The following GALNT13 variants were observed in gnomAD, a reference collection of about 807,000 sequenced individuals.
GALNT13 encodes polypeptide N-acetylgalactosaminyltransferase 13, also known as UDP-GalNAc:polypeptide N-acetylgalactosaminyltransferase 13.
Under a neutral mutation model 64.2 loss-of-function variants are expected in GALNT13, and 28 were observed. The ratio of observed to expected loss-of-function variants is 0.44; its 90% CI spans 0.32 to 0.60. The LOEUF (loss-of-function observed/expected upper bound fraction) is 0.60. Among genes scored for constraint, GALNT13 ranks in the 20% least tolerant of loss-of-function variants. GALNT13 has a pLI of 0.05. For synonymous variants in GALNT13, 214 were observed against 224.6 expected (o/e 0.95, Z 0.42); for missense variants, 577 against 669.8 (o/e 0.86, Z 1.53).
At chr2:153,623,696 A>C in the GALNT13 span, among the ~76,000 whole-genome samples, 5 of 151,962 alleles carry the variant, frequency 3.3e-5, no homozygotes, top group South Asian at 1.0e-3. Context: ...AGTTTATTTA[A>C]AATTTTTAGC....
the GALNT13 span, among the ~76,000 whole-genome samples, chr2:153,349,613 A>T: frequency 6.6e-6 from 1 of 152,188 alleles, no homozygotes; most frequent in African/African-American, 2.4e-5. Context: ...CATTTCTGAG[A>T]AAGCACTCAG....
At chr2:153,652,610 G>T in the GALNT13 span, among the ~76,000 whole-genome samples, 2 of 151,918 alleles carry the variant, frequency 1.3e-5, no homozygotes, top group Non-Finnish European at 1.5e-5. Context: ...GTGAGACTCT[G>T]TCTCAAAAAA....
At chr2:153,090,182 G>A in the GALNT13 span, among the ~76,000 whole-genome samples, 18 of 152,114 alleles carry the variant, frequency 1.2e-4, no homozygotes, top group Non-Finnish European at 2.6e-4. Context: ...CCTTAGGATG[G>A]GGCTTCTTGA....
At chr2:153,905,083 GTTC>G (rs1486395917) in intron 2 of GALNT13, among the ~76,000 whole-genome samples, 1 of 151,786 alleles carries the variant, frequency 6.6e-6, no homozygotes, top group Admixed American at 6.6e-5. Flanking sequence ...ATTAAAACAA[GTTC>G]TTCTACCACA....
the GALNT13 span, among the ~76,000 whole-genome samples, chr2:153,580,564 A>T: frequency 5.9e-5 from 9 of 152,314 alleles, no homozygotes; most frequent in South Asian, 1.0e-3. Context: ...ACACATGAGG[A>T]TGGAGAGAGG....
At chr2:154,284,287 T>C (rs1692132773) in intron 8 of GALNT13, among the ~76,000 whole-genome samples, 1 of 152,160 alleles carries the variant, frequency 6.6e-6, no homozygotes, top group African/African-American at 2.4e-5. Flanking sequence ...CTCTCCCCGA[T>C]TCCCTGTAAT....
At chr2:153,957,276 G>C (rs1172631910) in intron 3 of GALNT13, among the ~76,000 whole-genome samples, 1 of 152,154 alleles carries the variant, frequency 6.6e-6, no homozygotes, top group Non-Finnish European at 1.5e-5. Flanking sequence ...GAAGAGGCAG[G>C]GAAAGGGATC....
At chr2:154,374,302 A>C (rs2105317534) in intron 9 of GALNT13, among the ~76,000 whole-genome samples, 1 of 152,324 alleles carries the variant, frequency 6.6e-6, no homozygotes, top group African/African-American at 2.4e-5. Context: ...AATCTGGAGA[A>C]GTTGTGGTAG....
chr2:154,282,487 G>C (rs774790880), intron 8 of GALNT13, among the ~76,000 whole-genome samples: 1 of 152,014 alleles, frequency 6.6e-6, no homozygotes, highest in Non-Finnish European at 1.5e-5. Flanking sequence ...TGTACCCTAG[G>C]TAAAAAGACT....
chr2:153,204,584 T>A, the GALNT13 span, among the ~76,000 whole-genome samples: 1 of 152,194 alleles, frequency 6.6e-6, no homozygotes, highest in Non-Finnish European at 1.5e-5. Context: ...AAATTCTTAG[T>A]CCAACTCACC....
At chr2:153,971,276 C>T (rs946390160) in intron 3 of GALNT13, among the ~76,000 whole-genome samples, 4 of 152,142 alleles carry the variant, frequency 2.6e-5, no homozygotes, top group Admixed American at 2.0e-4. Context: ...TCTCTACACT[C>T]GCTGTCCTTC....
At chr2:153,743,572 A>T in the GALNT13 span, among the ~76,000 whole-genome samples, 2 of 152,000 alleles carry the variant, frequency 1.3e-5, no homozygotes, top group Admixed American at 6.6e-5. Flanking sequence ...GCATATATTT[A>T]TGAGGCACAT....
chr2:153,893,989 T>G (rs940315783), intron 1 of GALNT13, among the ~76,000 whole-genome samples: 2 of 152,070 alleles, frequency 1.3e-5, no homozygotes, highest in Non-Finnish European at 2.9e-5. Context: ...GTGTGTTTAC[T>G]GGGAATGGAG....
At chr2:153,862,023 A>G in the GALNT13 span, among the ~76,000 whole-genome samples, 1 of 152,208 alleles carries the variant, frequency 6.6e-6, no homozygotes, top group Admixed American at 6.5e-5. Context: ...CTCTAATCCC[A>G]AAAGATAATA....
At chr2:153,327,988 C>A in the GALNT13 span, among the ~76,000 whole-genome samples, 1 of 152,154 alleles carries the variant, frequency 6.6e-6, no homozygotes, top group South Asian at 2.1e-4. Context: ...GTGTGAGGGT[C>A]CTTTTTGTTG....
Position 154,215,909 on chromosome 2 carries a change from G to C in GALNT13, c.312-26121G>C, listed in dbSNP as rs545495306. Reference sequence around the variant, plus strand: ...CTTGCTCATTTAACCTTAGGCATCAGAGTCTCAAGTTTTAGGGAAAACGAA... The same window carrying C: ...CTTGCTCATTTAACCTTAGGCATCACAGTCTCAAGTTTTAGGGAAAACGAA... On this transcript the variant is annotated intron_variant, in intron 4 of 12. Coordinates refer to ENST00000392825, the MANE Select transcript of GALNT13 (RefSeq NM_052917.4). Among the ~76,000 whole-genome samples, 243 of 152,148 alleles carry C rather than the reference G, an allele frequency of 1.6e-3. 2 individuals are homozygous for C. The highest frequency in any genetic ancestry group is 2.4e-3 in the Non-Finnish European group (160 of 67,990).
intron 3 of GALNT13, among the ~76,000 whole-genome samples, chr2:154,132,041 C>G (rs1167748800): frequency 1.3e-5 from 2 of 152,172 alleles, no homozygotes; most frequent in East Asian, 1.9e-4. Flanking sequence ...CCTGCTTTTA[C>G]CTAACCACGC....
At chr2:153,459,022 G>A in the GALNT13 span, among the ~76,000 whole-genome samples, 1 of 151,928 alleles carries the variant, frequency 6.6e-6, no homozygotes, top group Non-Finnish European at 1.5e-5. Flanking sequence ...TCCAATGCTT[G>A]TTTCTTAGTG....
At chr2:153,641,668 A>G in the GALNT13 span, among the ~76,000 whole-genome samples, 1 of 152,160 alleles carries the variant, frequency 6.6e-6, no homozygotes, top group East Asian at 1.9e-4. Flanking sequence ...ATTTATATGG[A>G]TTTCCCTTAT....
Sources: gnomAD v4.1 joint callset for allele counts (sites outside exome capture counted in the v4.1 genomes callset) on GRCh38, gnomAD v4.1.1 for gene constraint, MANE v1.5 for transcripts, NCBI Gene and HGNC (gene_info 2026-07-23, HGNC 2026-07-21) for gene names.